The following SYNPO2 variants were observed in gnomAD, a reference collection of about 807,000 sequenced individuals.
SYNPO2 encodes synaptopodin 2.
SYNPO2 carries 56 observed loss-of-function variants against 85.0 expected under a neutral mutation model. The ratio of observed to expected loss-of-function variants is 0.66; its 90% confidence interval spans 0.53 to 0.82. The LOEUF (loss-of-function observed/expected upper bound fraction) is 0.82. Among genes scored for constraint, SYNPO2 ranks in the 40% least tolerant of loss-of-function variants. The pLI, the probability that SYNPO2 is intolerant of heterozygous loss-of-function variation, is 0.00. For synonymous variants in SYNPO2, 602 were observed against 591.1 expected (o/e 1.02, Z -0.27); for missense variants, 1,575 against 1,534.2 (o/e 1.03, Z -0.44).
intron 1 of SYNPO2, among the ~76,000 whole-genome samples, chr4:118,985,608 G>A (rs1380482521): frequency 6.6e-6 from 1 of 152,212 alleles, no homozygotes; most frequent in Admixed American, 6.5e-5. Flanking sequence ...CAAAAGCCTT[G>A]TCATCCAACT....
chr4:118,918,891 C>T (rs1451478003), intron 1 of SYNPO2, among the ~76,000 whole-genome samples: 1 of 151,960 alleles, frequency 6.6e-6, no homozygotes, highest in Non-Finnish European at 1.5e-5. Context: ...TTTAGATTTC[C>T]AAGTCCATCA....
upstream of SYNPO2, among the ~76,000 whole-genome samples, chr4:118,884,917 G>A (rs1732172218): frequency 6.6e-6 from 1 of 152,186 alleles, no homozygotes; most frequent in South Asian, 2.1e-4. Context: ...GACTGAGAGG[G>A]AAAGTACAGA....
intron 1 of SYNPO2, among the ~76,000 whole-genome samples, chr4:118,877,930 T>G (rs1731958139): frequency 6.6e-6 from 1 of 152,230 alleles, no homozygotes. Context: ...GCAGCACTAT[T>G]CACGATAGCA....
intron 1 of SYNPO2, among the ~76,000 whole-genome samples, chr4:118,881,440 G>C (rs1732097750): frequency 6.6e-6 from 1 of 152,298 alleles, no homozygotes; most frequent in South Asian, 2.1e-4. Context: ...CTGACACCTT[G>C]ATCTCAGATT....
chr4:118,981,970 G>A (rs1244419989), intron 1 of SYNPO2, among the ~76,000 whole-genome samples: 2 of 152,122 alleles, frequency 1.3e-5, no homozygotes, highest in Admixed American at 6.5e-5. Flanking sequence ...ACCACTTGAG[G>A]GCGGCATTGC....
chr4:118,967,351 G>C (rs1389147988), intron 1 of SYNPO2, among the ~76,000 whole-genome samples: 1 of 152,186 alleles, frequency 6.6e-6, no homozygotes, highest in Non-Finnish European at 1.5e-5. Flanking sequence ...TTTTAGCTCT[G>C]ACATTCCCTG....
chr4:118,997,036 C>A (rs1314439394), intron 1 of SYNPO2, among the ~76,000 whole-genome samples: 3 of 151,164 alleles, frequency 2.0e-5, no homozygotes, highest in Non-Finnish European at 4.4e-5. Flanking sequence ...GTCAGGAGAT[C>A]GAGACCATCC....
chr4:118,948,871 T>C (rs1384277901), intron 1 of SYNPO2, among the ~76,000 whole-genome samples: 1 of 152,184 alleles, frequency 6.6e-6, no homozygotes. Flanking sequence ...CCCAATTATA[T>C]ACTTAGTTAA....
chr4:118,977,494 C>T (rs1314422491), intron 1 of SYNPO2, among the ~76,000 whole-genome samples: 2 of 152,210 alleles, frequency 1.3e-5, no homozygotes, highest in African/African-American at 4.8e-5. Flanking sequence ...GAAAGGGGCT[C>T]CCACAGTGCA....
intron 1 of SYNPO2, among the ~76,000 whole-genome samples, chr4:118,943,351 A>G (rs1435494950): frequency 1.3e-5 from 2 of 152,222 alleles, no homozygotes; most frequent in Non-Finnish European, 2.9e-5. Flanking sequence ...AGAGCAAATA[A>G]TTAGGTAGAT....
chr4:118,892,829 A>C (rs1026099063), intron 1 of SYNPO2, among the ~76,000 whole-genome samples: 2 of 152,152 alleles, frequency 1.3e-5, no homozygotes, highest in African/African-American at 4.8e-5. Flanking sequence ...ACATTGTATA[A>C]TCCTTCATTT....
chr4:118,957,815 G>C (rs951276508), intron 1 of SYNPO2, among the ~76,000 whole-genome samples: 4 of 152,210 alleles, frequency 2.6e-5, no homozygotes, highest in Non-Finnish European at 4.4e-5. Context: ...CTATCTCGCA[G>C]ATGGAGAGAG....
intron 4 of SYNPO2, chr4:119,034,561 T>C (rs1220125706): frequency 5.4e-5 from 53 of 985,440 alleles, no homozygotes; most frequent in Non-Finnish European, 6.1e-5. Flanking sequence ...AGTAAAAGCA[T>C]CTACAACTTC....
chr4:118,873,627 G>A (rs1297734081), intron 1 of SYNPO2, among the ~76,000 whole-genome samples: 1 of 152,002 alleles, frequency 6.6e-6, no homozygotes, highest in South Asian at 2.1e-4. Context: ...ATAGTTTGGT[G>A]ATATTTTCTC....
At chr4:118,959,565 T>C (rs1301911465) in intron 1 of SYNPO2, among the ~76,000 whole-genome samples, 1 of 152,206 alleles carries the variant, frequency 6.6e-6, no homozygotes, top group African/African-American at 2.4e-5. Context: ...AAACATTTAT[T>C]TCAATTCAAG....
At chr4:118,917,705 T>C (rs946940605) in intron 1 of SYNPO2, among the ~76,000 whole-genome samples, 6 of 152,222 alleles carry the variant, frequency 3.9e-5, no homozygotes, top group African/African-American at 1.4e-4. Context: ...GCAGCAATGC[T>C]AATACAATAT....
intron 1 of SYNPO2, among the ~76,000 whole-genome samples, chr4:118,875,317 C>A (rs1251838007): frequency 6.6e-6 from 1 of 152,002 alleles, no homozygotes; most frequent in Non-Finnish European, 1.5e-5. Flanking sequence ...ATACTTTTTT[C>A]TCTATTTTTT....
chr4:119,055,519 T>C (rs1322645545), intron 4 of SYNPO2, among the ~76,000 whole-genome samples: 9 of 152,234 alleles, frequency 5.9e-5, no homozygotes, highest in African/African-American at 1.9e-4. Context: ...CTGGATTGTG[T>C]GCTTATTGAG....
chr4:118,882,885 T>C (rs1732132195), intron 1 of SYNPO2, among the ~76,000 whole-genome samples: 1 of 151,968 alleles, frequency 6.6e-6, no homozygotes, highest in Non-Finnish European at 1.5e-5. Context: ...TTCTCCTGCC[T>C]CAACCTCCTG....
Sources: gnomAD v4.1 joint callset for allele counts (sites outside exome capture counted in the v4.1 genomes callset) on GRCh38, gnomAD v4.1.1 for gene constraint, MANE v1.5 for transcripts, NCBI Gene and HGNC (gene_info 2026-07-23, HGNC 2026-07-21) for gene names.